Variants in MARCO observed in about 807,000 individuals in gnomAD.
MARCO encodes macrophage receptor with collagenous structure.
In MARCO, 72 loss-of-function variants were observed where a neutral mutation model predicts 70.0. The ratio of observed to expected loss-of-function variants is 1.03; its 90% CI spans 0.85 to 1.25. The LOEUF (loss-of-function observed/expected upper bound fraction) is 1.25. Among genes scored for constraint, MARCO ranks in the 50% most tolerant of loss-of-function variants. MARCO has a pLI of 0.00. For synonymous variants in MARCO, 273 were observed against 243.1 expected (o/e 1.12, Z -1.14); for missense variants, 696 against 659.3 (o/e 1.06, Z -0.61).
At chr2:118,957,993 A>G (rs985298349) in intron 1 of MARCO, among the ~76,000 whole-genome samples, 5 of 152,136 alleles carry the variant, frequency 3.3e-5, no homozygotes, top group Admixed American at 2.6e-4. Context: ...CATACAAGGG[A>G]TATACCTTAA....
intron 1 of MARCO, among the ~76,000 whole-genome samples, chr2:118,943,064 C>G (rs1679534841): frequency 6.6e-6 from 1 of 152,184 alleles, no homozygotes; most frequent in South Asian, 2.1e-4. Flanking sequence ...CAAATGAGCT[C>G]TGATTTCCTA....
At chr2:118,962,567 G>C (rs544452182) in intron 1 of MARCO, among the ~76,000 whole-genome samples, 1 of 151,864 alleles carries the variant, frequency 6.6e-6, no homozygotes, top group African/African-American at 2.4e-5. Flanking sequence ...AGTTTTGTTT[G>C]TTTCTTTCTT....
intron 4 of MARCO, 68 bp from the exon 5 acceptor site, chr2:118,974,265 G>A: frequency 1.1e-6 from 1 of 894,782 alleles, no homozygotes; most frequent in South Asian, 1.4e-5. Flanking sequence ...CACCATGTAA[G>A]TGATTGCATG....
chr2:118,987,292 A>G (rs1680535902), intron 12 of MARCO, among the ~76,000 whole-genome samples: 1 of 152,078 alleles, frequency 6.6e-6, no homozygotes, highest in African/African-American at 2.4e-5. Context: ...TCTAGAACCT[A>G]TTTTTTAGCC....
Position 118,974,600 on chromosome 2 carries a change from CA to C in MARCO, c.613+36del, listed in dbSNP as rs754452325. On this transcript the variant is annotated intron_variant, in intron 6 of 16. Transcript: ENST00000327097. ...TGCTGGGTATGTACCCAGAAATACACAGCAAGTTTCTCAGAGTGACTGCTGT... is the reference window on the plus strand; with the variant it reads ...TGCTGGGTATGTACCCAGAAATACACGCAAGTTTCTCAGAGTGACTGCTGT... 2.5e-6 allele frequency: 4 copies of C among 1,598,568 alleles called. No individual in the cohort carries two copies. The South Asian group carries it at 3.4e-5, about 13-fold the overall frequency.
chr2:118,977,820 C>G lies in MARCO; in HGVS notation c.659-8C>G. ...GGGAGCCCATCTCACCAGCCATTCT[C>G]TTTGCAGGCACCCCAGGACCCCAAG... On this transcript the variant is annotated splice_region_variant and splice_polypyrimidine_tract_variant and intron_variant, in intron 7 of 16. Coordinates refer to ENST00000327097, the MANE Select transcript of MARCO (RefSeq NM_006770.4). The G allele has an allele frequency of 6.2e-7, 1 of 1,607,300 alleles. No individual in the cohort carries two copies. Among genetic ancestry groups the G allele is most frequent in the Non-Finnish European group, 8.5e-7 (1 of 1,176,126 alleles).
chr2:118,950,870 T>A (rs987694823), intron 1 of MARCO, among the ~76,000 whole-genome samples: 2 of 152,170 alleles, frequency 1.3e-5, no homozygotes. Context: ...TGGACTGGAC[T>A]GTTAAAGGCC....
intron 1 of MARCO, among the ~76,000 whole-genome samples, chr2:118,957,053 A>G (rs904485012): frequency 1.3e-5 from 2 of 152,046 alleles, no homozygotes; most frequent in African/African-American, 2.4e-5. Context: ...GAAAGAGCAC[A>G]GACAATCTAA....
chr2:118,952,094 CT>C (rs1679734183), intron 1 of MARCO, among the ~76,000 whole-genome samples: 1 of 149,000 alleles, frequency 6.7e-6, no homozygotes, highest in Non-Finnish European at 1.5e-5. Flanking sequence ...TTTCTTACCC[CT>C]TTCTTACCTC....
intron 8 of MARCO, among the ~76,000 whole-genome samples, chr2:118,980,124 T>G (rs1221596616): frequency 6.6e-6 from 1 of 152,226 alleles, no homozygotes; most frequent in Non-Finnish European, 1.5e-5. Context: ...AGCAATGCTG[T>G]AACTTGATGG....
intron 2 of MARCO, 113 bp downstream of exon 2, chr2:118,969,374 T>C: frequency 1.3e-6 from 1 of 746,314 alleles, no homozygotes; most frequent in South Asian, 1.6e-5. Flanking sequence ...ACTGCTCCCA[T>C]CTGCTGGGAG....
At chr2:118,992,569 A>C in intron 15 of MARCO, 93 bp downstream of exon 15, 2 of 1,133,358 alleles carry the variant, frequency 1.8e-6, no homozygotes, top group Non-Finnish European at 2.6e-6. Flanking sequence ...CTTGGTTCTC[A>C]AATAAATTTC....
intron 4 of MARCO, 38 bp downstream of exon 4, chr2:118,971,572 C>A: frequency 6.2e-7 from 1 of 1,610,518 alleles, no homozygotes; most frequent in Non-Finnish European, 8.5e-7. Flanking sequence ...CTGCTCTTTC[C>A]CCAAAACCTC....
At chr2:118,956,412 TGG>T in intron 1 of MARCO, among the ~76,000 whole-genome samples, 1 of 144,304 alleles carries the variant, frequency 6.9e-6, no homozygotes, top group East Asian at 2.1e-4. Flanking sequence ...CATTATGTAA[TGG>T]TAAAAGTCCT....
intron 1 of MARCO, among the ~76,000 whole-genome samples, chr2:118,946,696 A>G (rs186838000): frequency 1.3e-5 from 2 of 152,294 alleles, no homozygotes; most frequent in East Asian, 3.9e-4. Flanking sequence ...CAAAAGTGTA[A>G]TTGCTGGATT....
At chr2:118,980,859 G>T (rs750489487) in intron 8 of MARCO, among the ~76,000 whole-genome samples, 9 of 152,168 alleles carry the variant, frequency 5.9e-5, no homozygotes, top group Non-Finnish European at 1.3e-4. Context: ...AGGAGGGAGC[G>T]ACAGAGGACT....
chr2:118,973,227 T>C (rs1680209027), intron 4 of MARCO, among the ~76,000 whole-genome samples: 1 of 152,112 alleles, frequency 6.6e-6, no homozygotes. Flanking sequence ...TCTCTCTCTG[T>C]CTCTCTGAAT....
intron 16 of MARCO, among the ~76,000 whole-genome samples, chr2:118,993,558 G>A (rs567840730): frequency 6.6e-6 from 1 of 152,294 alleles, no homozygotes; most frequent in African/African-American, 2.4e-5. Context: ...ATCCAGCCCT[G>A]GAGTCAGAAT....
At chr2:118,988,189 C>T (rs1486614677) in intron 12 of MARCO, among the ~76,000 whole-genome samples, 1 of 152,074 alleles carries the variant, frequency 6.6e-6, no homozygotes, top group Admixed American at 6.6e-5. Context: ...TGCTGAGTCC[C>T]CTGGAGGTGA....
Sources: allele counts gnomAD v4.1 joint callset (sites outside exome capture counted in the v4.1 genomes callset), GRCh38; gene constraint gnomAD v4.1.1; transcripts MANE v1.5; gene names NCBI Gene and HGNC (gene_info 2026-07-23, HGNC 2026-07-21).